NLGN1: variants seen among roughly 807,000 people sequenced by gnomAD.
The protein encoded by NLGN1 is neuroligin 1.
Under a neutral mutation model 65.5 loss-of-function variants are expected in NLGN1, and 12 were observed. The ratio of observed to expected loss-of-function variants is 0.18; its 90% CI spans 0.12 to 0.30. The LOEUF is 0.30. NLGN1 is among the 10% of genes least tolerant of loss of function. The probability of loss-of-function intolerance (pLI) is 1.00; values close to 1 mark genes in which losing one functional copy is unlikely to be tolerated. For synonymous variants in NLGN1, 350 were observed against 359.5 expected, an observed-to-expected ratio of 0.97 and a Z score of 0.30; for missense variants, 750 against 1,007.1, an observed-to-expected ratio of 0.74 and a Z score of 3.46.
chr3:173,856,415 G>A (rs1306178346), intron 4 of NLGN1, among the ~76,000 whole-genome samples: 2 of 152,096 alleles, frequency 1.3e-5, no homozygotes, highest in East Asian at 3.9e-4. Flanking sequence ...AAATCTGTAA[G>A]TCACAAGTTT....
rs566905416 is a variant in NLGN1 at position 174,033,224 on chromosome 3, G to A, written c.646+225392G>A. ...CTTTCTCTGAGTATTAATTAGGGAC[G>A]TCGAAAGTTAAGAGTGAAGATAAAA... On this transcript the variant is annotated intron_variant, in intron 4 of 6. Transcript: ENST00000457714. Among the ~76,000 whole-genome samples the A allele has an allele frequency of 1.5e-3, 234 of 152,230 alleles. 1 individual carries two copies. Among genetic ancestry groups the A allele is most frequent in the Middle Eastern group, 0.01 (3 of 294 alleles).
chr3:173,450,277 G>C (rs1456968114), intron 2 of NLGN1, among the ~76,000 whole-genome samples: 1 of 152,100 alleles, frequency 6.6e-6, no homozygotes, highest in Admixed American at 6.5e-5. Flanking sequence ...AAATCTCTCA[G>C]CATTTGCTTG....
intron 3 of NLGN1, among the ~76,000 whole-genome samples, chr3:173,792,000 C>G (rs934013297): frequency 6.6e-6 from 1 of 152,040 alleles, no homozygotes; most frequent in Non-Finnish European, 1.5e-5. Context: ...TTTATTGCAT[C>G]AGGCAAGATA....
rs943806036 is a variant in NLGN1 at position 173,865,187 on chromosome 3, CCA to C, written c.646+57358_646+57359del. On this transcript the variant is annotated intron_variant, in intron 4 of 6. Coordinates refer to ENST00000457714, the Ensembl canonical transcript of NLGN1. ...GAGGTTTAGTGTGAAGTAAATGTAACCACAGTTTGTATTAATCCTTTCTTTAG... is the reference window on the plus strand; with the variant it reads ...GAGGTTTAGTGTGAAGTAAATGTAACCAGTTTGTATTAATCCTTTCTTTAG... 8.5e-5 allele frequency among the ~76,000 whole-genome samples: 13 copies of C among 152,108 alleles called. No individual in the cohort carries two copies. In the South Asian group the frequency reaches 2.1e-3, roughly 24 times the overall value.
At chr3:173,987,522 A>G (rs1720209272) in intron 4 of NLGN1, among the ~76,000 whole-genome samples, 1 of 152,246 alleles carries the variant, frequency 6.6e-6, no homozygotes, top group African/African-American at 2.4e-5. Flanking sequence ...GTGAAAAATA[A>G]TAAGGCTTGA....
chr3:173,628,971 C>T (rs1469138339), intron 3 of NLGN1, among the ~76,000 whole-genome samples: 4 of 144,448 alleles, frequency 2.8e-5, no homozygotes, highest in Admixed American at 6.9e-5. Context: ...TGGGATTACA[C>T]GCTGAATATA....
In NLGN1 at chr3:173,755,656, T is replaced by C. The variant is rs1168599061; in HGVS notation, c.494-52024T>C. On this transcript the variant is annotated intron_variant, in intron 3 of 6. Coordinates refer to ENST00000457714, the Ensembl canonical transcript of NLGN1. ...ATTCCTCAAACACATTGTCCCAGTC[T>C]GAGTAGGTAAATGAAAATGGCAAGA... Among the ~76,000 whole-genome samples, 3 of 151,962 alleles carry C rather than the reference T, an allele frequency of 2.0e-5. No homozygotes were observed. The East Asian group carries it at 5.8e-4, about 29-fold the overall frequency.
chr3:173,552,354 G>T (rs1174409072), intron 2 of NLGN1, among the ~76,000 whole-genome samples: 2 of 149,908 alleles, frequency 1.3e-5, no homozygotes, highest in African/African-American at 4.9e-5. Flanking sequence ...ATTTGAGAGA[G>T]TTTTTTTTTT....
chr3:174,070,442 C>T (rs945550407), intron 4 of NLGN1, among the ~76,000 whole-genome samples: 2 of 151,854 alleles, frequency 1.3e-5, no homozygotes, highest in Admixed American at 1.3e-4. Flanking sequence ...AGTGATTCTC[C>T]TGCCTCAGCC....
intron 2 of NLGN1, among the ~76,000 whole-genome samples, chr3:173,451,017 T>G (rs1361522412): frequency 6.6e-6 from 1 of 152,200 alleles, no homozygotes; most frequent in Non-Finnish European, 1.5e-5. Flanking sequence ...ACTTCCTCCT[T>G]TAGCTCAGAG....
chr3:173,794,833 A>T (rs1369755499), intron 3 of NLGN1, among the ~76,000 whole-genome samples: 1 of 152,124 alleles, frequency 6.6e-6, no homozygotes, highest in Non-Finnish European at 1.5e-5. Flanking sequence ...TGCTTTTGAC[A>T]TCAAAGTGTT....
At chr3:173,904,882 A>G (rs1738077033) in intron 4 of NLGN1, among the ~76,000 whole-genome samples, 2 of 152,218 alleles carry the variant, frequency 1.3e-5, no homozygotes, top group South Asian at 2.1e-4. Context: ...CACGCTGATT[A>G]TACAAGACTG....
At chr3:174,068,328 G>A (rs954851726) in intron 4 of NLGN1, among the ~76,000 whole-genome samples, 2 of 152,084 alleles carry the variant, frequency 1.3e-5, no homozygotes, top group African/African-American at 4.8e-5. Flanking sequence ...GCAACCGTGA[G>A]CCCAGTATGC....
At chr3:173,873,579 T>C (rs1035182386) in intron 4 of NLGN1, among the ~76,000 whole-genome samples, 17 of 152,348 alleles carry the variant, frequency 1.1e-4, no homozygotes, top group Admixed American at 1.0e-3. Context: ...AAAATTTTAT[T>C]GTATTTCAAT....
At chr3:174,085,139 T>C (rs1742991825) in intron 4 of NLGN1, among the ~76,000 whole-genome samples, 1 of 151,952 alleles carries the variant, frequency 6.6e-6, no homozygotes, top group Non-Finnish European at 1.5e-5. Context: ...GATGGATAGA[T>C]AATGTGATAA....
intron 1 of NLGN1, among the ~76,000 whole-genome samples, chr3:173,432,165 G>T (rs1172288150): frequency 6.6e-6 from 1 of 152,174 alleles, no homozygotes; most frequent in Non-Finnish European, 1.5e-5. Flanking sequence ...TTTTGGAAAT[G>T]ATAGATAAAA....
Position 174,188,171 on chromosome 3 carries a change from A to G in NLGN1, c.647-87144A>G, listed in dbSNP as rs574230235. 2.0e-5 allele frequency among the ~76,000 whole-genome samples: 3 copies of G among 152,184 alleles called. No individual in the cohort carries two copies. In the South Asian group the frequency reaches 6.2e-4, roughly 32 times the overall value. On this transcript the variant is annotated intron_variant, in intron 4 of 6. Transcript: ENST00000457714. ...TGATTTTAATCATGAAATAACATTC[A>G]TGATAATATTACCACATTTGTGTAA...
chr3:173,917,840 A>ATT (rs1741044144), intron 4 of NLGN1, among the ~76,000 whole-genome samples: 13 of 101,112 alleles, frequency 1.3e-4, no homozygotes, highest in Admixed American at 9.0e-4. Context: ...ACAAAGCAAC[A>ATT]TTGTGTGTGT....
chr3:173,913,607 T>C (rs77230845), intron 4 of NLGN1, among the ~76,000 whole-genome samples: 2 of 152,010 alleles, frequency 1.3e-5, no homozygotes, highest in Non-Finnish European at 2.9e-5. Flanking sequence ...TCTCTCAACA[T>C]CCCAGCTAAA....
Sources: allele counts gnomAD v4.1 joint callset (sites outside exome capture counted in the v4.1 genomes callset), GRCh38; gene constraint gnomAD v4.1.1; transcripts MANE v1.5; gene names NCBI Gene and HGNC (gene_info 2026-07-23, HGNC 2026-07-21).